The following PRKCH variants were observed in gnomAD, a reference collection of about 807,000 sequenced individuals.
The protein encoded by PRKCH is protein kinase C eta, also known as protein kinase C eta type.
Under a neutral mutation model 82.5 loss-of-function variants are expected in PRKCH, and 28 were observed. That is an observed-to-expected ratio of 0.34 (90% CI 0.25 to 0.47). The LOEUF is 0.47. Among genes scored for constraint, PRKCH ranks in the 20% least tolerant of loss-of-function variants. The pLI, the probability that PRKCH is intolerant of heterozygous loss-of-function variation, is 1.00. For missense variants in PRKCH, 705 were observed against 881.8 expected (o/e 0.80, Z 2.54); for synonymous variants, 322 against 327.4 (o/e 0.98, Z 0.18).
intron 2 of PRKCH, among the ~76,000 whole-genome samples, chr14:61,429,824 G>T (rs536571356): frequency 6.6e-6 from 1 of 152,108 alleles, no homozygotes; most frequent in African/African-American, 2.4e-5. Context: ...GCTAGAGACG[G>T]TATAAAAACT....
Position 61,280,610 on chromosome 14 carries a change from G to A in PRKCH, c.-19+92942G>A, listed in dbSNP as rs758952187. ...TCGACGTAGGGCCCGCCGGGCTGGC[G>A]CTGGTGCCAAAGCGAGAAGGAGTCG... is the stretch of plus-strand genomic sequence containing the variant. On this transcript the variant is annotated intron_variant, in intron 1 of 3. Coordinates refer to the PRKCH transcript ENST00000555185. This position sits in a 1 kb window ranked among gnomAD's most constrained non-coding sequence, Gnocchi z 5.0. 23 of 1,584,566 alleles carry A rather than the reference G, an allele frequency of 1.5e-5. No individual in the cohort carries two copies. The highest frequency in any genetic ancestry group is 2.0e-5 in the Non-Finnish European group (23 of 1,165,856).
intron 1 of PRKCH, among the ~76,000 whole-genome samples, chr14:61,194,125 T>C (rs2044425935): frequency 6.6e-6 from 1 of 152,228 alleles, no homozygotes; most frequent in African/African-American, 2.4e-5. Context: ...CTACTCTCTA[T>C]TTGCTTGTTG....
chr14:61,264,048 C>A (rs527354974), intron 1 of PRKCH, among the ~76,000 whole-genome samples: 21 of 152,012 alleles, frequency 1.4e-4, no homozygotes, highest in Middle Eastern at 3.4e-3. Context: ...TACCAGAGGC[C>A]GTGGAAACTG....
chr14:61,402,010 G>A (rs1046241605), intron 2 of PRKCH, among the ~76,000 whole-genome samples: 1 of 152,204 alleles, frequency 6.6e-6, no homozygotes, highest in Non-Finnish European at 1.5e-5. Flanking sequence ...GATAAAATTA[G>A]AGCCTTCAAA....
chr14:61,446,414 A>G (rs1435981912), intron 4 of PRKCH, among the ~76,000 whole-genome samples: 2 of 152,230 alleles, frequency 1.3e-5, no homozygotes, highest in Non-Finnish European at 1.5e-5. Context: ...CATGAGTATC[A>G]TCACATAGTT....
At chr14:61,329,022 T>C (rs1199270639) in intron 1 of PRKCH, among the ~76,000 whole-genome samples, 2 of 151,514 alleles carry the variant, frequency 1.3e-5, no homozygotes, top group African/African-American at 4.8e-5. Flanking sequence ...GTCAACTAGA[T>C]TGTGTTCCCC....
intron 1 of PRKCH, among the ~76,000 whole-genome samples, chr14:61,301,475 T>C (rs2045446797): frequency 6.6e-6 from 1 of 152,260 alleles, no homozygotes; most frequent in Non-Finnish European, 1.5e-5. Flanking sequence ...TCAGAATGTT[T>C]CACATTTTGT....
At chr14:61,426,302 TC>T (rs921382089) in intron 2 of PRKCH, among the ~76,000 whole-genome samples, 7 of 152,334 alleles carry the variant, frequency 4.6e-5, no homozygotes, top group African/African-American at 1.7e-4. Context: ...GCTGTCACCT[TC>T]CCTGTTGTGC....
intron 1 of PRKCH, among the ~76,000 whole-genome samples, chr14:61,331,137 A>G (rs972332336): frequency 2.6e-5 from 4 of 151,962 alleles, no homozygotes; most frequent in Admixed American, 6.5e-5. Flanking sequence ...TATCTAATCT[A>G]TATCTACAAA....
intron 9 of PRKCH, among the ~76,000 whole-genome samples, chr14:61,481,514 A>G (rs573936698): frequency 6.6e-6 from 1 of 152,286 alleles, no homozygotes; most frequent in South Asian, 2.1e-4. Flanking sequence ...GGCTCTCTCA[A>G]ACAGCCTCAC....
In PRKCH at chr14:61,248,704, T is replaced by G. The variant is rs115727882; in HGVS notation, c.-19+61036T>G. Among the ~76,000 whole-genome samples, 904 of 152,338 alleles carry G rather than the reference T, an allele frequency of 5.9e-3. 3 individuals are homozygous for G. Among genetic ancestry groups the G allele is most frequent in the African/African-American group, 0.018 (751 of 41,566 alleles). On this transcript the variant is annotated intron_variant, in intron 1 of 3. Transcript: ENST00000555185. ...GCAATGCAAATATTTTCTTTTCTTT[T>G]TCCCCTCAGAATGTGAAGTTAAAAC...
At chr14:61,356,291 G>A (rs865825910) in intron 1 of PRKCH, among the ~76,000 whole-genome samples, 1 of 152,172 alleles carries the variant, frequency 6.6e-6, no homozygotes, top group Non-Finnish European at 1.5e-5. Flanking sequence ...GATGTCCTGT[G>A]CTGTGTTGCC....
chr14:61,466,744 C>CGCTTTCA (rs1349185945), intron 9 of PRKCH, among the ~76,000 whole-genome samples: 1 of 152,110 alleles, frequency 6.6e-6, no homozygotes, highest in African/African-American at 2.4e-5. Flanking sequence ...TAGGATCCAC[C>CGCTTTCA]GCTTTCAGGT....
At chr14:61,233,140 A>G (rs1594865049) in intron 1 of PRKCH, among the ~76,000 whole-genome samples, 2 of 152,190 alleles carry the variant, frequency 1.3e-5, no homozygotes, top group Non-Finnish European at 2.9e-5. Flanking sequence ...GAGTGAGGCC[A>G]CTCAGGTTTG....
intron 10 of PRKCH, among the ~76,000 whole-genome samples, chr14:61,511,257 G>T (rs1887363514): frequency 6.6e-6 from 1 of 152,184 alleles, no homozygotes; most frequent in Admixed American, 6.5e-5. Flanking sequence ...TTAAACCTGT[G>T]GTTCTGGTCT....
At chr14:61,411,760 C>T (rs943084335) in intron 2 of PRKCH, among the ~76,000 whole-genome samples, 1 of 152,176 alleles carries the variant, frequency 6.6e-6, no homozygotes, top group African/African-American at 2.4e-5. Flanking sequence ...GAGACAGCTG[C>T]ACCAAGACAT....
At chr14:61,409,573 C>T (rs187514879) in intron 2 of PRKCH, among the ~76,000 whole-genome samples, 25 of 151,812 alleles carry the variant, frequency 1.6e-4, no homozygotes, top group Non-Finnish European at 3.2e-4. Context: ...TGGTGGTGTG[C>T]ACCTGTATTC....
intron 1 of PRKCH, among the ~76,000 whole-genome samples, chr14:61,316,049 A>C (rs2352146): frequency 0.55 from 83,875 of 151,948 alleles, 26,741 homozygotes; most frequent in Non-Finnish European, 0.7. Context: ...CGCCCAGCCT[A>C]TTTACTGTTT....
At chr14:61,285,533 T>C (rs1324852774) in intron 1 of PRKCH, among the ~76,000 whole-genome samples, 8 of 152,242 alleles carry the variant, frequency 5.3e-5, no homozygotes, top group African/African-American at 1.9e-4. Flanking sequence ...AAGATTTCTG[T>C]TCCTAGTCTT....
Sources: gnomAD v4.1 joint callset for allele counts (sites outside exome capture counted in the v4.1 genomes callset) on GRCh38, gnomAD v4.1.1 for gene constraint, Gnocchi (gnomAD v3.1) non-coding constraint, MANE v1.5 for transcripts, NCBI Gene and HGNC (gene_info 2026-07-23, HGNC 2026-07-21) for gene names.